Variants in GPC6 observed in about 807,000 individuals in gnomAD.
GPC6 encodes the protein glypican 6.
A neutral mutation model predicts 55.2 loss-of-function variants in GPC6; 14 were observed. The observed-to-expected ratio is 0.25, with a 90% confidence interval of 0.17 to 0.40. The LOEUF is 0.40. Ranked by LOEUF, GPC6 falls within the 10% of genes least tolerant of loss-of-function variation. The probability of loss-of-function intolerance (pLI) is 1.00; values close to 1 mark genes in which losing one functional copy is unlikely to be tolerated. For synonymous variants in GPC6, 278 were observed against 259.6 expected (o/e 1.07, Z -0.68); for missense variants, 641 against 708.5 (o/e 0.90, Z 1.08).
At chr13:93,403,652 C>A (rs183564712) in intron 1 of GPC6, among the ~76,000 whole-genome samples, 1 of 152,274 alleles carries the variant, frequency 6.6e-6, no homozygotes, top group Admixed American at 6.5e-5. Flanking sequence ...ATGTGATCAT[C>A]TCTGCTGACC....
intron 6 of GPC6, among the ~76,000 whole-genome samples, chr13:94,336,825 T>TCA (rs1250310567): frequency 1.3e-5 from 2 of 152,200 alleles, no homozygotes; most frequent in Non-Finnish European, 2.9e-5. Context: ...GACTTATCAC[T>TCA]CACACTATTA....
intron 4 of GPC6, among the ~76,000 whole-genome samples, chr13:94,045,062 A>C (rs1883681708): frequency 6.6e-6 from 1 of 151,866 alleles, no homozygotes; most frequent in Non-Finnish European, 1.5e-5. Flanking sequence ...TTATTTTTAA[A>C]TAATATTTTT....
chr13:93,532,301 T>C (rs879553968), intron 1 of GPC6, among the ~76,000 whole-genome samples: 18 of 152,118 alleles, frequency 1.2e-4, no homozygotes, highest in South Asian at 2.1e-4. Flanking sequence ...TGCTGAGAAA[T>C]ACAATGAATC....
chr13:93,224,831 C>A (rs187516998), upstream of GPC6, among the ~76,000 whole-genome samples: 91 of 152,330 alleles, frequency 6.0e-4, no homozygotes, highest in African/African-American at 1.7e-3. Context: ...TTATCTAATT[C>A]TTTGGTCTGA....
chr13:93,274,252 G>A (rs987220427), intron 1 of GPC6, among the ~76,000 whole-genome samples: 84 of 152,120 alleles, frequency 5.5e-4, no homozygotes, highest in African/African-American at 2.0e-3. Flanking sequence ...TTAGGGTATT[G>A]TATTATGGAG....
intron 4 of GPC6, among the ~76,000 whole-genome samples, chr13:94,041,962 G>C (rs1883552027): frequency 6.6e-6 from 1 of 151,796 alleles, no homozygotes; most frequent in Non-Finnish European, 1.5e-5. Context: ...GTTTGGATTT[G>C]TGTCCCCACC....
chr13:93,607,856 A>T (rs1158480053), intron 2 of GPC6, among the ~76,000 whole-genome samples: 2 of 152,018 alleles, frequency 1.3e-5, no homozygotes, highest in African/African-American at 4.8e-5. Flanking sequence ...CCAGTATCCC[A>T]CTGTCACCTC....
rs145514789 is a variant in GPC6, at chr13:94,150,286, T to C, written c.877+122392T>C. 3.8e-4 allele frequency among the ~76,000 whole-genome samples: 58 copies of C among 152,224 alleles called. 1 individual carries two copies. In the East Asian group the frequency reaches 0.011, roughly 28 times the overall value. ...TTACCCCACCATCATTTCTTGCCTGTATTATTGCAGCAAGGACTGATATCC... is the reference window on the plus strand; with the variant it reads ...TTACCCCACCATCATTTCTTGCCTGCATTATTGCAGCAAGGACTGATATCC... On this transcript the variant is annotated intron_variant, in intron 4 of 8. Transcript: ENST00000377047.
intron 1 of GPC6, among the ~76,000 whole-genome samples, chr13:93,423,524 A>C (rs979331614): frequency 6.6e-6 from 1 of 152,208 alleles, no homozygotes; most frequent in Admixed American, 6.5e-5. Flanking sequence ...AAAGGATAAT[A>C]TGAATTTCAA....
chr13:93,920,892 C>T (rs1299068533), intron 3 of GPC6, among the ~76,000 whole-genome samples: 1 of 152,124 alleles, frequency 6.6e-6, no homozygotes, highest in African/African-American at 2.4e-5. Flanking sequence ...GAAATTCTTT[C>T]ATTAGCCTTA....
At chr13:93,624,691 C>T (rs1285979487) in intron 2 of GPC6, among the ~76,000 whole-genome samples, 4 of 152,114 alleles carry the variant, frequency 2.6e-5, no homozygotes, top group African/African-American at 9.7e-5. Flanking sequence ...CACCTGATAA[C>T]CAGATGTGTA....
chr13:94,048,727 C>T (rs567679186), intron 4 of GPC6, among the ~76,000 whole-genome samples: 2 of 152,126 alleles, frequency 1.3e-5, no homozygotes, highest in East Asian at 1.9e-4. Context: ...AGGTGTGCAG[C>T]AGATTGCAGG....
chr13:93,381,287 G>A (rs1043190108), intron 1 of GPC6, among the ~76,000 whole-genome samples: 12 of 152,044 alleles, frequency 7.9e-5, no homozygotes, highest in African/African-American at 2.9e-4. Flanking sequence ...CTCTTACTCA[G>A]AACTGATAGT....
chr13:94,387,739 T>C (rs1463981984), intron 7 of GPC6, among the ~76,000 whole-genome samples: 3 of 144,064 alleles, frequency 2.1e-5, no homozygotes, highest in Admixed American at 1.4e-4. Flanking sequence ...TTTCTCTCTC[T>C]CTCTCTCTCT....
chr13:94,383,201 G>A (rs1454176700), intron 7 of GPC6, among the ~76,000 whole-genome samples: 1 of 152,184 alleles, frequency 6.6e-6, no homozygotes, highest in Non-Finnish European at 1.5e-5. Context: ...TTCATAGGGT[G>A]GGGAGGCTGG....
intron 2 of GPC6, among the ~76,000 whole-genome samples, chr13:93,801,332 T>C (rs1287145279): frequency 1.3e-5 from 2 of 152,166 alleles, no homozygotes; most frequent in Non-Finnish European, 2.9e-5. Flanking sequence ...CAAAAGAATA[T>C]ACAAACAGCT....
chr13:93,900,796 G>A (rs954980631), intron 3 of GPC6, among the ~76,000 whole-genome samples: 6 of 152,124 alleles, frequency 3.9e-5, no homozygotes, highest in African/African-American at 1.4e-4. Flanking sequence ...AAGATGATGT[G>A]TGAAAAAATA....
chr13:93,476,814 G>A (rs1009002182), intron 1 of GPC6, among the ~76,000 whole-genome samples: 2 of 151,632 alleles, frequency 1.3e-5, no homozygotes, highest in African/African-American at 4.8e-5. Context: ...AAAATATTGG[G>A]GTGTATAAAC....
intron 4 of GPC6, among the ~76,000 whole-genome samples, chr13:94,269,668 C>G (rs78372532): frequency 4.6e-5 from 7 of 152,198 alleles, no homozygotes; most frequent in African/African-American, 1.7e-4. Flanking sequence ...CACTGAACAC[C>G]TGTGTCCACT....
Sources: gnomAD v4.1 joint callset for allele counts (sites outside exome capture counted in the v4.1 genomes callset) on GRCh38, gnomAD v4.1.1 for gene constraint, MANE v1.5 for transcripts, NCBI Gene and HGNC (gene_info 2026-07-23, HGNC 2026-07-21) for gene names.